The following EIF3J variants were observed in gnomAD, a reference collection of about 807,000 sequenced individuals.
The protein encoded by EIF3J is eukaryotic translation initiation factor 3, subunit 1 (alpha, 35kD).
In EIF3J, 15 loss-of-function variants were observed where a neutral mutation model predicts 39.0. The ratio of observed to expected loss-of-function variants is 0.38; its 90% CI spans 0.26 to 0.59. The LOEUF (loss-of-function observed/expected upper bound fraction) is 0.59, where lower values mean the gene tolerates loss of function less well. EIF3J is among the 20% of genes least tolerant of loss of function. The pLI is 0.60. For synonymous variants in EIF3J, 98 were observed against 112.9 expected (o/e 0.87, Z 0.84); for missense variants, 226 against 308.6 (o/e 0.73, Z 2.00).
chr15:44,537,571 G>C, intron 2 of EIF3J, 144 bp downstream of exon 2: 1 of 860,292 alleles, frequency 1.2e-6, no homozygotes, highest in South Asian at 2.2e-5. Context: ...CTTCCCCTCC[G>C]CTTGCCGGCC....
intron 6 of EIF3J, among the ~76,000 whole-genome samples, chr15:44,559,902 C>A (rs1246715337): frequency 6.6e-6 from 1 of 151,942 alleles, no homozygotes; most frequent in East Asian, 1.9e-4. Flanking sequence ...GATTACAGGT[C>A]GTCATTATAA....
chr15:44,560,658 AAGAGT>A, intron 7 of EIF3J: 1 of 342,092 alleles, frequency 2.9e-6, no homozygotes, highest in Non-Finnish European at 5.3e-6. Context: ...GAGTATTTAT[AAGAGT>A]AAAGTAAGAG....
At chr15:44,540,176 A>T (rs868013910) in intron 2 of EIF3J, among the ~76,000 whole-genome samples, 29 of 145,304 alleles carry the variant, frequency 2.0e-4, no homozygotes, top group Non-Finnish European at 3.2e-4. Context: ...TGACTTCGTG[A>T]TCCACCCGCC....
chr15:44,558,492 G>A (rs566365665), intron 6 of EIF3J, among the ~76,000 whole-genome samples: 14 of 151,782 alleles, frequency 9.2e-5, no homozygotes, highest in East Asian at 7.8e-4. Context: ...TCGTGCCACC[G>A]CACTCCAGCC....
At chr15:44,544,703 TAAAAA>T (rs34101594) in intron 2 of EIF3J, among the ~76,000 whole-genome samples, 6 of 85,430 alleles carry the variant, frequency 7.0e-5, no homozygotes, top group African/African-American at 2.5e-4. Context: ...AAACTCCATT[TAAAAA>T]AAAAAAAAAA....
chr15:44,551,632 G>A, intron 4 of EIF3J, 110 bp downstream of exon 4: 2 of 819,646 alleles, frequency 2.4e-6, no homozygotes, highest in South Asian at 1.9e-5. Context: ...GACTGTAAAT[G>A]GATACCATAA....
chr15:44,539,616 G>A (rs1178936128), intron 2 of EIF3J, among the ~76,000 whole-genome samples: 2 of 151,220 alleles, frequency 1.3e-5, no homozygotes, highest in Admixed American at 6.6e-5. Context: ...TAGCCAGGAT[G>A]GTCTCAATCT....
intron 3 of EIF3J, 39 bp from the exon 4 acceptor site, chr15:44,551,392 T>C: frequency 1.5e-6 from 2 of 1,328,810 alleles, no homozygotes; most frequent in Non-Finnish European, 2.1e-6. Context: ...AACTGGAAAA[T>C]ACTCAGTATA....
intron 2 of EIF3J, among the ~76,000 whole-genome samples, chr15:44,548,302 C>G (rs1230815875): frequency 1.3e-5 from 2 of 152,166 alleles, no homozygotes; most frequent in East Asian, 3.9e-4. Flanking sequence ...GTAATCCCAG[C>G]TACTCCAGAG....
rs757689854 is a variant in EIF3J at position 44,537,360 on chromosome 15, A to T, written c.80A>T (p.Lys27Met). ...DAFSVEDPVR[K>M]VGGGGTAGGD... Reference sequence around the variant, plus strand: ...TTCTCCGTGGAAGACCCAGTGCGGAAGGTGGGGGGCGGCGGCACTGCCGGC... The same window carrying T: ...TTCTCCGTGGAAGACCCAGTGCGGATGGTGGGGGGCGGCGGCACTGCCGGC... Residue 27 changes from lysine (K) to methionine (M), a missense_variant, in exon 2 of 8, where the codon AAG becomes ATG. Lys to Met is a moderately conservative substitution (Grantham distance 95, BLOSUM62 -1). This residue lies in a region of EIF3J where 143 missense variants were observed against 156.0 expected (regional missense o/e 0.92). Coordinates refer to ENST00000261868, the MANE Select transcript of EIF3J (RefSeq NM_003758.4). The T allele has an allele frequency of 1.0e-4, 160 of 1,567,748 alleles. No individual in the cohort carries two copies. Among genetic ancestry groups the T allele is most frequent in the Non-Finnish European group, 1.4e-4 (158 of 1,156,124 alleles).
intron 2 of EIF3J, among the ~76,000 whole-genome samples, chr15:44,542,456 G>A (rs1226439496): frequency 6.6e-6 from 1 of 152,106 alleles, no homozygotes; most frequent in East Asian, 1.9e-4. Context: ...TTTATTGCTC[G>A]TTTGAAGCTA....
At chr15:44,544,098 C>CCT (rs1555444218) in intron 2 of EIF3J, among the ~76,000 whole-genome samples, 1 of 134,076 alleles carries the variant, frequency 7.5e-6, no homozygotes, top group African/African-American at 2.8e-5. Flanking sequence ...CTTTTCTTTT[C>CCT]TTTTTTTTTT....
chr15:44,555,691 C>T (rs1048868728), intron 5 of EIF3J, among the ~76,000 whole-genome samples: 1 of 152,184 alleles, frequency 6.6e-6, no homozygotes, highest in Non-Finnish European at 1.5e-5. Flanking sequence ...TAGCATGGGA[C>T]ACCTGTTATA....
chr15:44,539,936 T>A (rs1208523174), intron 2 of EIF3J, among the ~76,000 whole-genome samples: 2 of 143,370 alleles, frequency 1.4e-5, no homozygotes, highest in Non-Finnish European at 1.5e-5. Context: ...AATTTACATA[T>A]TTTTTTCTTT....
At chr15:44,553,171 G>A (rs2082114564) in intron 4 of EIF3J, among the ~76,000 whole-genome samples, 1 of 149,742 alleles carries the variant, frequency 6.7e-6, no homozygotes, top group Admixed American at 6.7e-5. Context: ...AGGTGACAGA[G>A]CAAGATCCTG....
At chr15:44,539,814 C>T (rs2081995381) in intron 2 of EIF3J, among the ~76,000 whole-genome samples, 1 of 151,158 alleles carries the variant, frequency 6.6e-6, no homozygotes. Context: ...GTTTCCCAGG[C>T]TGGAGTGCAG....
chr15:44,539,944 T>A (rs1438853007), intron 2 of EIF3J, among the ~76,000 whole-genome samples: 2 of 111,940 alleles, frequency 1.8e-5, no homozygotes, highest in Non-Finnish European at 3.4e-5. Context: ...TATTTTTTTC[T>A]TTTTTTTTTT....
chr15:44,544,378 G>A (rs1265064664), intron 2 of EIF3J, among the ~76,000 whole-genome samples: 2 of 150,594 alleles, frequency 1.3e-5, no homozygotes, highest in Non-Finnish European at 3.0e-5. Flanking sequence ...GATTACAGGC[G>A]TGAGCCAACT....
intron 2 of EIF3J, among the ~76,000 whole-genome samples, chr15:44,539,857 T>C (rs2081995929): frequency 6.6e-6 from 1 of 151,834 alleles, no homozygotes; most frequent in African/African-American, 2.4e-5. Context: ...GCCTCCCGGA[T>C]TCAAGTGATT....
Sources: gnomAD v4.1 joint callset for allele counts (sites outside exome capture counted in the v4.1 genomes callset) on GRCh38, gnomAD v4.1.1 for gene constraint, gnomAD v4.1.1 regional missense constraint, MANE v1.5 for transcripts, NCBI Gene and HGNC (gene_info 2026-07-23, HGNC 2026-07-21) for gene names.